CSGALNACT1: variants seen among roughly 807,000 people sequenced by gnomAD.
CSGALNACT1 encodes chondroitin sulfate N-acetylgalactosaminyltransferase 1, also known as beta4GalNAcT-1.
In CSGALNACT1, 52 loss-of-function variants were observed where a neutral mutation model predicts 51.0. The observed-to-expected ratio is 1.02, with a 90% CI of 0.82 to 1.29. CSGALNACT1 has a LOEUF of 1.29. CSGALNACT1 is among the 50% of genes most tolerant of loss of function. The pLI is 0.00. For synonymous variants in CSGALNACT1, 341 were observed against 254.4 expected (o/e 1.34, Z -3.24); for missense variants, 935 against 679.2 (o/e 1.38, Z -4.19).
At chr8:19,498,174 TTC>T (rs2075800490) in intron 4 of CSGALNACT1, among the ~76,000 whole-genome samples, 1 of 152,082 alleles carries the variant, frequency 6.6e-6, no homozygotes, top group Non-Finnish European at 1.5e-5. Flanking sequence ...CAATTCAGAG[TTC>T]TGTCTCCTCC....
chr8:19,408,483 TTTTTTTTTTTTTTTG>T, intron 9 of CSGALNACT1, 115 bp downstream of exon 8: 2 of 493,370 alleles, frequency 4.1e-6, no homozygotes, highest in Non-Finnish European at 3.4e-6. Context: ...TTTTTTTTTT[TTTTTTTTTTTTTTTG>T]AAGGCAATGG....
At chr8:19,619,900 A>C (rs527683039) in intron 1 of CSGALNACT1, among the ~76,000 whole-genome samples, 1 of 152,326 alleles carries the variant, frequency 6.6e-6, no homozygotes, top group African/African-American at 2.4e-5. Flanking sequence ...TCGGGCTCAA[A>C]TCCCAGCCTG....
chr8:19,425,301 A>G (rs1161800537), intron 6 of CSGALNACT1, among the ~76,000 whole-genome samples: 1 of 152,200 alleles, frequency 6.6e-6, no homozygotes, highest in African/African-American at 2.4e-5. Context: ...AGATCGTGCC[A>G]TTGTGCTCTA....
intron 5 of CSGALNACT1, among the ~76,000 whole-genome samples, chr8:19,452,592 C>G (rs1390049332): frequency 6.6e-6 from 1 of 152,082 alleles, no homozygotes; most frequent in Non-Finnish European, 1.5e-5. Context: ...GAAACAGAGC[C>G]AAAACTTTCC....
chr8:19,476,757 A>C (rs540648338), intron 4 of CSGALNACT1, among the ~76,000 whole-genome samples: 13 of 152,334 alleles, frequency 8.5e-5, no homozygotes, highest in African/African-American at 2.6e-4. Context: ...AAAAAGCCAC[A>C]CAACATGGAC....
Position 19,484,605 on chromosome 8 carries a change from C to T in CSGALNACT1, c.634+20596G>A, listed in dbSNP as rs137900204. Among the ~76,000 whole-genome samples, 1,007 of 152,224 alleles carry T rather than the reference C, an allele frequency of 6.6e-3. 18 individuals carry two copies. Among genetic ancestry groups the T allele is most frequent in the African/African-American group, 0.022 (926 of 41,520 alleles). ...TTTCAGGAGTCAAGTTGCCTGGTTG[C>T]AGGACAGTGTAATCACGCAATTCCT... is the stretch of plus-strand genomic sequence containing the variant. On this transcript the variant is annotated intron_variant, in intron 4 of 9. Transcript: ENST00000454498.
At chr8:19,688,029 G>C (rs1403488068) in intron 1 of CSGALNACT1, among the ~76,000 whole-genome samples, 1 of 152,150 alleles carries the variant, frequency 6.6e-6, no homozygotes, top group Non-Finnish European at 1.5e-5. Flanking sequence ...TACTTTATAG[G>C]AGTCATCAAT....
intron 1 of CSGALNACT1, among the ~76,000 whole-genome samples, chr8:19,701,172 T>TTTTTTTTTC (rs1189314254): frequency 4.0e-5 from 6 of 148,620 alleles, no homozygotes; most frequent in Admixed American, 6.8e-5. Context: ...TTTTTTTTTT[T>TTTTTTTTTC]TGATACAGAG....
At chr8:19,537,814 A>G (rs1233231744) in intron 3 of CSGALNACT1, among the ~76,000 whole-genome samples, 1 of 152,242 alleles carries the variant, frequency 6.6e-6, no homozygotes, top group Non-Finnish European at 1.5e-5. Flanking sequence ...ACATAGGACA[A>G]AATCTTTGAG....
At chr8:19,638,015 C>A (rs538161546) in intron 1 of CSGALNACT1, among the ~76,000 whole-genome samples, 10 of 152,152 alleles carry the variant, frequency 6.6e-5, no homozygotes, top group Non-Finnish European at 4.4e-5. Context: ...GAGCAGCTCA[C>A]TGGCTTTTGT....
chr8:19,613,192 A>G (rs2052537658), intron 1 of CSGALNACT1, among the ~76,000 whole-genome samples: 1 of 152,124 alleles, frequency 6.6e-6, no homozygotes, highest in Non-Finnish European at 1.5e-5. Context: ...CCTATATGTC[A>G]GCTCTTTATT....
intron 1 of CSGALNACT1, among the ~76,000 whole-genome samples, chr8:19,649,818 G>GAAAAAAAAAAAAAAAAAAAAA (rs1564347327): frequency 6.4e-4 from 1 of 1,552 alleles, no homozygotes; most frequent in African/African-American, 2.2e-3. Context: ...ATTCCAAGTA[G>GAAAAAAAAAAAAAAAAAAAAA]CAAAAAAAAA....
chr8:19,494,199 G>A (rs576255629), intron 4 of CSGALNACT1, among the ~76,000 whole-genome samples: 11 of 152,042 alleles, frequency 7.2e-5, no homozygotes, highest in Admixed American at 2.0e-4. Context: ...TCCTTGATGC[G>A]CCAGCACTAA....
intron 4 of CSGALNACT1, among the ~76,000 whole-genome samples, chr8:19,477,992 C>T (rs529935504): frequency 6.6e-6 from 1 of 152,206 alleles, no homozygotes; most frequent in South Asian, 2.1e-4. Context: ...GGGACCCCAC[C>T]TCCTGAAGAG....
At chr8:19,649,818 G>GAAAAAAAA (rs1564347327) in intron 1 of CSGALNACT1, among the ~76,000 whole-genome samples, 4 of 1,554 alleles carry the variant, frequency 2.6e-3, no homozygotes, top group African/African-American at 4.3e-3. Flanking sequence ...ATTCCAAGTA[G>GAAAAAAAA]CAAAAAAAAA....
intron 1 of CSGALNACT1, 113 bp from the exon 2 acceptor site, chr8:19,601,978 T>A (rs2050533886): frequency 2.4e-6 from 1 of 408,756 alleles, no homozygotes; most frequent in Non-Finnish European, 4.9e-6. Flanking sequence ...ATACAATGCA[T>A]CTGAAAGTAT....
chr8:19,624,129 C>G (rs747929229), intron 1 of CSGALNACT1, among the ~76,000 whole-genome samples: 2 of 152,202 alleles, frequency 1.3e-5, no homozygotes, highest in Non-Finnish European at 2.9e-5. Context: ...CACCATCGGT[C>G]CCTAGACTAT....
In CSGALNACT1 at chr8:19,437,966, T is replaced by C. The variant is rs190022392; in HGVS notation, c.953+1864A>G. 4.0e-4 allele frequency among the ~76,000 whole-genome samples: 61 copies of C among 152,350 alleles called. 1 individual carries two copies. The East Asian group carries it at 0.011, about 27-fold the overall frequency. ...GTAATTTGATATGGAGAAGAATGTA[T>C]TGATAAAGGTATAGCCTTAAGCATT... On this transcript the variant is annotated intron_variant, in intron 6 of 9. Coordinates refer to ENST00000454498, the Ensembl canonical transcript of CSGALNACT1.
intron 3 of CSGALNACT1, among the ~76,000 whole-genome samples, chr8:19,513,054 C>A (rs1381914135): frequency 6.6e-6 from 1 of 152,158 alleles, no homozygotes; most frequent in Non-Finnish European, 1.5e-5. Flanking sequence ...CCATCCCTAG[C>A]CCTTCCTTCT....
Sources: gnomAD v4.1 joint callset for allele counts (sites outside exome capture counted in the v4.1 genomes callset) on GRCh38, gnomAD v4.1.1 for gene constraint, MANE v1.5 for transcripts, NCBI Gene and HGNC (gene_info 2026-07-23, HGNC 2026-07-21) for gene names.